Variants in NDRG2 observed in about 807,000 individuals in gnomAD.
NDRG2 encodes the protein protein NDRG2.
NDRG2 carries 34 observed loss-of-function variants against 58.2 expected under a neutral mutation model. The ratio of observed to expected loss-of-function variants is 0.58; its 90% CI spans 0.44 to 0.78. The LOEUF (loss-of-function observed/expected upper bound fraction) is 0.78, where lower values mean the gene tolerates loss of function less well. Among genes scored for constraint, NDRG2 ranks in the 30% least tolerant of loss-of-function variants. The probability of loss-of-function intolerance (pLI) is 0.00; values close to 1 mark genes in which losing one functional copy is unlikely to be tolerated. For synonymous variants in NDRG2, 187 were observed against 175.9 expected, an observed-to-expected ratio of 1.06 and a Z score of -0.50; for missense variants, 434 against 471.2, an observed-to-expected ratio of 0.92 and a Z score of 0.73.
intron 1 of NDRG2, among the ~76,000 whole-genome samples, chr14:21,058,927 T>TAAAAA (rs10622766): frequency 6.6e-6 from 1 of 151,662 alleles, no homozygotes; most frequent in Non-Finnish European, 1.5e-5. Context: ...GAAAAGGCCC[T>TAAAAA]GAAACACTTA....
intron 1 of NDRG2, chr14:21,033,794 A>G (rs1436898728): frequency 7.1e-7 from 1 of 1,409,052 alleles, no homozygotes; most frequent in South Asian, 1.1e-5. Flanking sequence ...CTGTGGTGGT[A>G]GAGGTTGGGG....
At chr14:21,057,791 G>A (rs1347065049) in intron 1 of NDRG2, 10 of 995,786 alleles carry the variant, frequency 1.0e-5, no homozygotes, top group African/African-American at 3.2e-5. Context: ...GCAATAACTG[G>A]CTTAGGGTAT....
intron 1 of NDRG2, among the ~76,000 whole-genome samples, chr14:21,057,325 A>T (rs574354067): frequency 5.9e-5 from 9 of 151,954 alleles, no homozygotes; most frequent in Non-Finnish European, 1.3e-4. Context: ...AATCCCAGCT[A>T]CTTGGGAGGC....
intron 1 of NDRG2, among the ~76,000 whole-genome samples, chr14:21,035,515 C>T (rs1310746547): frequency 6.6e-6 from 1 of 152,224 alleles, no homozygotes; most frequent in Admixed American, 6.5e-5. Context: ...GTCACTCAGC[C>T]TTGTTAGTCT....
chr14:21,027,176 G>A (rs1466068308), upstream of NDRG2, among the ~76,000 whole-genome samples: 4 of 152,168 alleles, frequency 2.6e-5, no homozygotes, highest in Non-Finnish European at 5.9e-5. Flanking sequence ...CCTGCTGCAG[G>A]CAGAAGTAAG....
intron 5 of NDRG2, 21 bp downstream of exon 5, chr14:21,022,041 C>T (rs201046458): frequency 6.2e-7 from 1 of 1,614,136 alleles, no homozygotes; most frequent in East Asian, 2.2e-5. Flanking sequence ...TCTGGTGAAG[C>T]AGTAACGACC....
At position 21,018,885 on chromosome 14, in the gene NDRG2, C is replaced by T; in HGVS notation, c.762-71G>A. The T allele has an allele frequency of 1.3e-6, 2 of 1,579,566 alleles. 1 individual carries two copies. The highest frequency in any genetic ancestry group is 2.2e-5 in the South Asian group (2 of 88,974). On this transcript the variant is annotated intron_variant, in intron 11 of 15. Coordinates refer to ENST00000556147, the MANE Select transcript of NDRG2 (RefSeq NM_001320329.2). The stretch of plus-strand genomic sequence containing the variant: ...CCTCACTGGCCTCTGCCTAGGAGTG[C>T]AGCTGGAAAAATATCTGGCTCCAAA...
chr14:21,057,900 C>T (rs200747272), intron 1 of NDRG2: 22 of 1,613,512 alleles, frequency 1.4e-5, no homozygotes, highest in South Asian at 1.1e-4. Context: ...GAGATGGCAC[C>T]GGCCAGAGCA....
At chr14:21,043,315 T>A (rs1884995292) in intron 1 of NDRG2, 1 of 1,614,072 alleles carries the variant, frequency 6.2e-7, no homozygotes, top group Non-Finnish European at 8.5e-7. Context: ...TCCCTGACCA[T>A]GTGTAAGCTC....
intron 1 of NDRG2, chr14:21,044,004 A>G (rs188076491): frequency 5.9e-6 from 1 of 169,726 alleles, no homozygotes; most frequent in Non-Finnish European, 1.4e-5. Context: ...AGAAAGCTTA[A>G]TGAATTAAAG....
intron 5 of NDRG2, 35 bp downstream of exon 5, chr14:21,022,025 TCA>T (rs1392232985): frequency 1.2e-6 from 2 of 1,614,100 alleles, no homozygotes; most frequent in African/African-American, 2.7e-5. Flanking sequence ...GTCCTGTTCC[TCA>T]CAGTCTGGTG....
Position 21,020,582 on chromosome 14 carries a change from G to T in NDRG2, c.469C>A (p.Leu157Ile). ...CCTTCAACAGTGTCCGGGTGGTTAA[G>T]CTGAGGGACAGCAGAAGGAAGGAAA... is the stretch of plus-strand genomic sequence containing the variant. ...AGAYILARYA[L>I]NHPDTVEGLV... is the part of the protein sequence containing the mutation. The change falls in exon 8 of 16, where the codon CTT becomes ATT. Residue 157 changes from leucine (L) to isoleucine (I), a missense_variant and splice_region_variant. By Grantham distance (5) the Leu-to-Ile change is conservative. Transcript: ENST00000556147. 1 of 1,613,516 alleles carries T rather than the reference G, an allele frequency of 6.2e-7. No homozygotes were observed.
rs751697065 is a variant in NDRG2 at position 21,022,230 on chromosome 14, G to A, written c.224-48C>T. ...CAACAATAGAATCAGACAGGGACTC[G>A]TGTCCCCCAGTCAGAACTCACCCTT... is the stretch of plus-strand genomic sequence containing the variant. On this transcript the variant is annotated intron_variant, in intron 4 of 15. Coordinates refer to ENST00000556147, the MANE Select transcript of NDRG2 (RefSeq NM_001320329.2). The A allele has an allele frequency of 2.7e-5, 43 of 1,613,400 alleles. No individual in the cohort carries two copies. The African/African-American group carries it at 4.4e-4, about 17-fold the overall frequency.
intron 1 of NDRG2, among the ~76,000 whole-genome samples, chr14:21,056,879 GACCCTCTATCCTTCC>G (rs1428818374): frequency 1.3e-5 from 2 of 152,156 alleles, no homozygotes; most frequent in Non-Finnish European, 2.9e-5. Context: ...TTCCAGCCCT[GACCCTCTATCCTTCC>G]AAGACATTCT....
In NDRG2 at chr14:21,058,363, G is replaced by A. The variant is rs993995740; in HGVS notation, c.24+12465C>T. 5 of 1,584,666 alleles carry A rather than the reference G, an allele frequency of 3.2e-6. No homozygotes were observed. The Admixed American group carries it at 5.1e-5, about 16-fold the overall frequency. ...ACTTGGATAAAGTTGTCTAAGCCCT[G>A]GTGCCCACGTTCCACCTCACACTCT... On this transcript the variant is annotated intron_variant, in intron 1 of 14. Coordinates refer to the NDRG2 transcript ENST00000403829.
At chr14:21,048,303 G>C (rs1214972278) in intron 1 of NDRG2, 1 of 152,122 alleles carries the variant, frequency 6.6e-6, no homozygotes, top group Non-Finnish European at 1.5e-5. Context: ...GAACATCCAC[G>C]GAGCCACAGG....
intron 1 of NDRG2, chr14:21,058,447 C>A: frequency 2.2e-6 from 2 of 910,004 alleles, no homozygotes; most frequent in Non-Finnish European, 3.3e-6. Flanking sequence ...TTGCTCCCCA[C>A]TGCAAATGCC....
chr14:21,059,485 G>T (rs8007374), intron 1 of NDRG2, among the ~76,000 whole-genome samples: 10,753 of 150,536 alleles, frequency 0.071, 426 homozygotes, highest in East Asian at 0.11. Flanking sequence ...GTTTTTTTGG[G>T]TTTTTTTTTT....
At chr14:21,020,926 C>T (rs568394830) in intron 6 of NDRG2, 82 bp from the exon 7 acceptor site, 3 of 1,454,798 alleles carry the variant, frequency 2.1e-6, no homozygotes, top group South Asian at 2.3e-5. Context: ...ACTCTTCACC[C>T]TCCCTCCTGA....
Sources: gnomAD v4.1 joint callset for allele counts (sites outside exome capture counted in the v4.1 genomes callset) on GRCh38, gnomAD v4.1.1 for gene constraint, MANE v1.5 for transcripts, NCBI Gene and HGNC (gene_info 2026-07-23, HGNC 2026-07-21) for gene names.